The following CDC73 variants were observed in gnomAD, a reference collection of about 807,000 sequenced individuals.
The protein encoded by CDC73 is cell division cycle 73, also known as parafibromin.
In CDC73, 21 loss-of-function variants were observed where a neutral mutation model predicts 83.7. The ratio of observed to expected loss-of-function variants is 0.25; its 90% CI spans 0.18 to 0.36. The LOEUF is 0.36. CDC73 is among the 10% of genes least tolerant of loss of function. CDC73 has a pLI of 1.00. For missense variants in CDC73, 342 were observed against 653.3 expected, an observed-to-expected ratio of 0.52 and a Z score of 5.19; for synonymous variants, 224 against 212.9, an observed-to-expected ratio of 1.05 and a Z score of -0.45.
chr1:193,253,201 A>T lies in CDC73; in HGVS notation c.*2489A>T. ...TTTTAGAATCATTTGGAGAGTTTTT[A>T]AAAATATCCATGCCTGAATCTTGAT... On this transcript the variant is annotated 3_prime_UTR_variant, in exon 17 of 17. Transcript: ENST00000367435. 1 of 232,498 alleles carries T rather than the reference A, an allele frequency of 4.3e-6. No individual in the cohort carries two copies. The highest frequency in any genetic ancestry group is 8.5e-6 in the Non-Finnish European group (1 of 117,548). The allele number at this position is 232,498 out of a possible 1,614,324, so 14.4% of individuals were successfully genotyped here.
At chr1:193,175,416 T>C (rs1174020407) in intron 10 of CDC73, among the ~76,000 whole-genome samples, 4 of 152,186 alleles carry the variant, frequency 2.6e-5, no homozygotes, top group Non-Finnish European at 5.9e-5. Context: ...AAGGTGATGA[T>C]AGAAGATAAC....
intron 10 of CDC73, among the ~76,000 whole-genome samples, chr1:193,188,781 T>C (rs964022733): frequency 1.8e-4 from 27 of 152,076 alleles, no homozygotes; most frequent in African/African-American, 6.0e-4. Flanking sequence ...CAGTATCGGA[T>C]TGAGTCCCTG....
intron 15 of CDC73, among the ~76,000 whole-genome samples, chr1:193,246,667 C>T (rs1438835536): frequency 2.0e-5 from 3 of 152,072 alleles, no homozygotes; most frequent in African/African-American, 7.2e-5. Context: ...TTTCATTCCC[C>T]ACTTTTCTCT....
intron 10 of CDC73, among the ~76,000 whole-genome samples, chr1:193,197,889 C>T (rs1457795476): frequency 7.0e-6 from 1 of 143,488 alleles, no homozygotes; most frequent in East Asian, 2.1e-4. Context: ...TGCGCCACTG[C>T]ACTCCAGCCT....
intron 13 of CDC73, among the ~76,000 whole-genome samples, chr1:193,212,714 C>T (rs1003921465): frequency 7.2e-5 from 11 of 152,126 alleles, no homozygotes; most frequent in African/African-American, 1.7e-4. Context: ...AAGGTACTAT[C>T]GTATTAACTT....
At chr1:193,242,747 C>T (rs959435196) in intron 15 of CDC73, among the ~76,000 whole-genome samples, 4 of 151,994 alleles carry the variant, frequency 2.6e-5, no homozygotes, top group African/African-American at 4.8e-5. Context: ...ATTTGTCATG[C>T]GATCAGTATA....
intron 7 of CDC73, among the ~76,000 whole-genome samples, 192 bp from the exon 8 acceptor site, chr1:193,147,675 G>C (rs1161707242): frequency 6.6e-6 from 1 of 152,064 alleles, no homozygotes; most frequent in Non-Finnish European, 1.5e-5. Context: ...GAATACCATG[G>C]GATTTACAAT....
At chr1:193,168,195 CTT>C (rs1676463559) in intron 10 of CDC73, among the ~76,000 whole-genome samples, 1 of 151,944 alleles carries the variant, frequency 6.6e-6, no homozygotes, top group South Asian at 2.1e-4. Flanking sequence ...GTACCAGCCT[CTT>C]TTTGTTTTAA....
intron 5 of CDC73, 113 bp from the exon 6 acceptor site, chr1:193,137,972 A>ATAGG: frequency 1.3e-6 from 1 of 785,770 alleles, no homozygotes; most frequent in South Asian, 1.4e-5. Context: ...AAAGACACTG[A>ATAGG]TACCTAGAAT....
chr1:193,133,898 C>T (rs971195281), intron 3 of CDC73, among the ~76,000 whole-genome samples: 7 of 148,822 alleles, frequency 4.7e-5, no homozygotes, highest in East Asian at 1.9e-4. Flanking sequence ...TTAAACTATA[C>T]GGAGATAGGA....
intron 14 of CDC73, among the ~76,000 whole-genome samples, chr1:193,235,734 C>A (rs1416527502): frequency 1.3e-5 from 2 of 152,106 alleles, no homozygotes; most frequent in African/African-American, 4.8e-5. Context: ...TAAATGGTTT[C>A]TATACTCAGA....
chr1:193,139,174 G>C (rs1675856470), intron 6 of CDC73, among the ~76,000 whole-genome samples: 1 of 151,886 alleles, frequency 6.6e-6, no homozygotes, highest in East Asian at 1.9e-4. Context: ...TTTTTGGATA[G>C]TTTCTGTTGT....
intron 11 of CDC73, among the ~76,000 whole-genome samples, chr1:193,210,611 A>G (rs1422521248): frequency 6.6e-6 from 1 of 152,182 alleles, no homozygotes; most frequent in Non-Finnish European, 1.5e-5. Flanking sequence ...CATATGGGCC[A>G]GGCTCAGTGG....
intron 13 of CDC73, among the ~76,000 whole-genome samples, chr1:193,223,224 G>C (rs1336960668): frequency 9.2e-6 from 1 of 108,254 alleles, no homozygotes; most frequent in East Asian, 2.3e-4. Context: ...GTTTTTTACT[G>C]TTCATTTTAT....
intron 13 of CDC73, among the ~76,000 whole-genome samples, chr1:193,225,149 C>T (rs1677544462): frequency 6.6e-6 from 1 of 151,792 alleles, no homozygotes; most frequent in African/African-American, 2.4e-5. Context: ...TTTTCCATTC[C>T]TGAGTTACTT....
At chr1:193,193,731 T>C (rs776703570) in intron 10 of CDC73, among the ~76,000 whole-genome samples, 1 of 152,028 alleles carries the variant, frequency 6.6e-6, no homozygotes, top group Non-Finnish European at 1.5e-5. Flanking sequence ...AATTTATTAC[T>C]GTCTCCAGAA....
intron 5 of CDC73, among the ~76,000 whole-genome samples, chr1:193,137,724 G>A (rs2103123493): frequency 6.6e-6 from 1 of 152,260 alleles, no homozygotes; most frequent in Admixed American, 6.5e-5. Context: ...AAATGAAATT[G>A]TTGACTCTGG....
rs189119348 is a variant in CDC73 at position 193,229,179 on chromosome 1, T to C, written c.1155-3814T>C. Among the ~76,000 whole-genome samples, 154 of 152,338 alleles carry C rather than the reference T, an allele frequency of 1.0e-3. 2 individuals are homozygous for C. The highest frequency in any genetic ancestry group is 9.9e-3 in the Admixed American group (152 of 15,300). ...TGGAAAACTTCCTGGCAGTTTCTTA[T>C]AAAGTTATACATACCCCATGATTCA... On this transcript the variant is annotated intron_variant, in intron 13 of 16. Coordinates refer to ENST00000367435, the MANE Select transcript of CDC73 (RefSeq NM_024529.5).
Position 193,212,079 on chromosome 1 carries a change from C to A in CDC73, c.1045C>A (p.Pro349Thr), listed in dbSNP as rs771975951. ...PVPRPVSQAR[P>T]PPNQKKGSRT... The stretch of plus-strand genomic sequence containing the variant: ...CTTTTTCACAGTTTCTCAAGCAAGA[C>A]CTCCCCCAAATCAGAAGAAAGGTGA... The change falls in exon 12 of 17, where the codon CCT (proline) becomes ACT (threonine). Residue 349 changes from proline (P) to threonine (T), a missense_variant. Pro to Thr is a conservative substitution (Grantham distance 38). This residue lies in a region of CDC73 where 239 missense variants were observed against 420.6 expected (regional missense o/e 0.57). Coordinates refer to ENST00000367435, the MANE Select transcript of CDC73 (RefSeq NM_024529.5). 1.3e-6 allele frequency: 2 copies of A among 1,585,062 alleles called. No homozygotes were observed. The highest frequency in any genetic ancestry group is 8.6e-7 in the Non-Finnish European group (1 of 1,160,970).
Sources: gnomAD v4.1 joint callset for allele counts (sites outside exome capture counted in the v4.1 genomes callset) on GRCh38, gnomAD v4.1.1 for gene constraint, gnomAD v4.1.1 regional missense constraint, MANE v1.5 for transcripts, NCBI Gene and HGNC (gene_info 2026-07-23, HGNC 2026-07-21) for gene names.